The following ATRN variants were observed in gnomAD, a reference collection of about 807,000 sequenced individuals.
The protein encoded by ATRN is attractin-2.
ATRN carries 54 observed loss-of-function variants against 178.7 expected under a neutral mutation model. The observed-to-expected ratio is 0.30, with a 90% CI of 0.24 to 0.38. The LOEUF (loss-of-function observed/expected upper bound fraction) is 0.38, where lower values mean the gene tolerates loss of function less well. Among genes scored for constraint, ATRN ranks in the 10% least tolerant of loss-of-function variants. The pLI, the probability that ATRN is intolerant of heterozygous loss-of-function variation, is 1.00. For synonymous variants in ATRN, 636 were observed against 663.0 expected (o/e 0.96, Z 0.63); for missense variants, 1,443 against 1,815.1 (o/e 0.79, Z 3.73).
At chr20:3,627,657 C>T (rs996799071) in intron 25 of ATRN, among the ~76,000 whole-genome samples, 6 of 152,124 alleles carry the variant, frequency 3.9e-5, no homozygotes, top group Admixed American at 2.6e-4. Flanking sequence ...ATCCCGCAGA[C>T]GTTTTTTTCC....
intron 6 of ATRN, among the ~76,000 whole-genome samples, chr20:3,555,060 G>C (rs1266615400): frequency 7.3e-6 from 1 of 136,604 alleles, no homozygotes; most frequent in African/African-American, 2.8e-5. Flanking sequence ...GAGTGCAGTG[G>C]CGTGATCTCG....
intron 1 of ATRN, among the ~76,000 whole-genome samples, chr20:3,508,412 A>T (rs575839906): frequency 6.6e-6 from 1 of 152,312 alleles, no homozygotes; most frequent in Admixed American, 6.5e-5. Context: ...TCTCTGCCAC[A>T]GCTATTCTGC....
At chr20:3,549,518 T>A (rs1209623071) in intron 6 of ATRN, among the ~76,000 whole-genome samples, 180 bp downstream of exon 6, 2 of 152,248 alleles carry the variant, frequency 1.3e-5, no homozygotes, top group African/African-American at 4.8e-5. Context: ...AATTGAATGC[T>A]ACAAAAAATT....
At position 3,471,088 on chromosome 20, in the gene ATRN, G is replaced by C. The variant is rs1237952075; in HGVS notation, c.-20G>C. The C allele has an allele frequency of 4.6e-6, 7 of 1,506,464 alleles. No individual in the cohort carries two copies. In the South Asian group the frequency reaches 8.5e-5, roughly 18 times the overall value. 93.3% of individuals were successfully genotyped at this position (1,506,464 alleles called of 1,614,324 possible). On this transcript the variant is annotated 5_prime_UTR_variant, in exon 1 of 29. Coordinates refer to ENST00000262919, the MANE Select transcript of ATRN (RefSeq NM_139321.3). ...GTGTGTGTGTATGTGTTCGCGGGGCGCCGTCTCAGCCCCGGGAAGATGGTG... is the reference window on the plus strand; with the variant it reads ...GTGTGTGTGTATGTGTTCGCGGGGCCCCGTCTCAGCCCCGGGAAGATGGTG...
chr20:3,513,507 T>G (rs545622406), intron 1 of ATRN, among the ~76,000 whole-genome samples: 1 of 152,366 alleles, frequency 6.6e-6, no homozygotes, highest in African/African-American at 2.4e-5. Flanking sequence ...TTTTGGTTAC[T>G]GTAGCCTTGT....
Position 3,650,252 on chromosome 20 carries a change from G to A in ATRN, c.*3405G>A, listed in dbSNP as rs2087136661. 1 of 152,682 alleles carries A rather than the reference G, an allele frequency of 6.5e-6. No individual in the cohort carries two copies. The highest frequency in any genetic ancestry group is 2.4e-5 in the African/African-American group (1 of 41,462). 9.5% of individuals were successfully genotyped at this position (152,682 alleles called of 1,614,324 possible). On this transcript the variant is annotated 3_prime_UTR_variant, in exon 29 of 29. Coordinates refer to ENST00000262919, the MANE Select transcript of ATRN (RefSeq NM_139321.3). ...CAGGGGCTGATTCACTTCCTTGGGAGATGGTGGTGTTTTCATGAACATCTT... is the reference window on the plus strand; with the variant it reads ...CAGGGGCTGATTCACTTCCTTGGGAAATGGTGGTGTTTTCATGAACATCTT...
At chr20:3,516,287 A>G (rs1247249022) in intron 1 of ATRN, among the ~76,000 whole-genome samples, 1 of 152,140 alleles carries the variant, frequency 6.6e-6, no homozygotes, top group Non-Finnish European at 1.5e-5. Context: ...ATAGCATAAT[A>G]TTTTGTCTCT....
chr20:3,647,037 A>G lies in ATRN; in HGVS notation c.*190A>G. 1.4e-6 allele frequency: 1 copy of G among 723,610 alleles called. No homozygotes were observed. The highest frequency in any genetic ancestry group is 2.3e-5 in the South Asian group (1 of 44,000). The allele number at this position is 723,610 out of a possible 1,614,324, so 44.8% of individuals were successfully genotyped here. On this transcript the variant is annotated 3_prime_UTR_variant, in exon 29 of 29. Coordinates refer to ENST00000262919, the MANE Select transcript of ATRN (RefSeq NM_139321.3). Reference sequence around the variant, plus strand: ...TTCTCCCATCCGTGTTCCAGCATCTAACCTTTTACTTTTGCATAGGAAATA... The same window carrying G: ...TTCTCCCATCCGTGTTCCAGCATCTGACCTTTTACTTTTGCATAGGAAATA...
At chr20:3,596,957 G>A (rs1300186676) in intron 21 of ATRN, among the ~76,000 whole-genome samples, 1 of 151,506 alleles carries the variant, frequency 6.6e-6, no homozygotes, top group East Asian at 1.9e-4. Flanking sequence ...GAAAAAAGGA[G>A]TTAATGTTAT....
Position 3,596,372 on chromosome 20 carries a change from C to T in ATRN, c.3417-5C>T. On this transcript the variant is annotated splice_polypyrimidine_tract_variant and splice_region_variant and intron_variant, in intron 20 of 28. Transcript: ENST00000262919. ...CAGTATAAAATAGTCTTTTTTCCCCCCCAGATGTGAGGTAGAAAATCGATA... is the reference window on the plus strand; with the variant it reads ...CAGTATAAAATAGTCTTTTTTCCCCTCCAGATGTGAGGTAGAAAATCGATA... 6.2e-7 allele frequency: 1 copy of T among 1,612,004 alleles called. No individual in the cohort carries two copies. The highest frequency in any genetic ancestry group is 1.1e-5 in the South Asian group (1 of 90,928).
Position 3,645,862 on chromosome 20 carries a change from C to T in ATRN, c.4166-861C>T, listed in dbSNP as rs548255230. On this transcript the variant is annotated intron_variant, in intron 28 of 28. Transcript: ENST00000262919. The surrounding 1 kb of genome is among the most constrained non-coding windows in gnomAD (Gnocchi z 4.7). The stretch of plus-strand genomic sequence containing the variant: ...CCGAGCCTGCGCTGGCCATTTCCCA[C>T]GTATATTAGGAATCCAGCTCCCCCA... 1.1e-4 allele frequency among the ~76,000 whole-genome samples: 17 copies of T among 152,074 alleles called. No individual in the cohort carries two copies. Among genetic ancestry groups the T allele is most frequent in the African/African-American group, 3.9e-4 (16 of 41,476 alleles).
At chr20:3,630,915 G>C (rs6115969) in intron 25 of ATRN, among the ~76,000 whole-genome samples, 7,260 of 62,432 alleles carry the variant, frequency 0.12, 531 homozygotes, top group African/African-American at 0.27. Context: ...AATTTATTTA[G>C]CTTTTTTTTT....
intron 11 of ATRN, among the ~76,000 whole-genome samples, chr20:3,569,020 G>A (rs1351229955): frequency 6.6e-6 from 1 of 152,074 alleles, no homozygotes; most frequent in African/African-American, 2.4e-5. Context: ...GACCTTAGCC[G>A]GTAATATGCA....
At chr20:3,591,974 C>T (rs2086451702) in intron 19 of ATRN, among the ~76,000 whole-genome samples, 1 of 152,214 alleles carries the variant, frequency 6.6e-6, no homozygotes, top group Non-Finnish European at 1.5e-5. Context: ...ACACTTAGGC[C>T]CACCTCACAG....
At chr20:3,581,024 T>C (rs1050073263) in intron 15 of ATRN, among the ~76,000 whole-genome samples, 2 of 152,152 alleles carry the variant, frequency 1.3e-5, no homozygotes, top group African/African-American at 4.8e-5. Flanking sequence ...GGAGGATTGC[T>C]TGAGCCCAGG....
Position 3,638,190 on chromosome 20 carries a change from T to C in ATRN, c.3943-638T>C, listed in dbSNP as rs1187569529. 1.3e-5 allele frequency among the ~76,000 whole-genome samples: 2 copies of C among 152,216 alleles called. No individual in the cohort carries two copies. Among genetic ancestry groups the C allele is most frequent in the Non-Finnish European group, 2.9e-5 (2 of 68,036 alleles). On this transcript the variant is annotated intron_variant, in intron 26 of 28. Transcript: ENST00000262919. This position sits in a 1 kb window ranked among gnomAD's most constrained non-coding sequence, Gnocchi z 4.5. Reference sequence around the variant, plus strand: ...TGTAGATTTGTTACATAGGTATACATGTGCCGTGGTGGTTTGCCGCACCTA... The same window carrying C: ...TGTAGATTTGTTACATAGGTATACACGTGCCGTGGTGGTTTGCCGCACCTA...
chr20:3,560,172 G>A (rs933340737), intron 7 of ATRN, among the ~76,000 whole-genome samples: 1 of 151,708 alleles, frequency 6.6e-6, no homozygotes, highest in African/African-American at 2.4e-5. Context: ...GCCAGCCTCT[G>A]GTAACCACCA....
chr20:3,527,396 A>G (rs117156939), intron 1 of ATRN, among the ~76,000 whole-genome samples: 6,072 of 152,336 alleles, frequency 0.04, 161 homozygotes, highest in Non-Finnish European at 0.057. Context: ...ACCAGTTAGA[A>G]CGGTGATCAT....
intron 1 of ATRN, among the ~76,000 whole-genome samples, chr20:3,476,024 G>C (rs554431642): frequency 6.6e-6 from 1 of 152,190 alleles, no homozygotes; most frequent in Admixed American, 6.5e-5. Flanking sequence ...ATGTGCCTGT[G>C]GTCCCAGCTA....
Sources: gnomAD v4.1 joint callset for allele counts (sites outside exome capture counted in the v4.1 genomes callset) on GRCh38, gnomAD v4.1.1 for gene constraint, Gnocchi (gnomAD v3.1) non-coding constraint, MANE v1.5 for transcripts, NCBI Gene and HGNC (gene_info 2026-07-23, HGNC 2026-07-21) for gene names.